Variants in SYTL5 observed in about 807,000 individuals in gnomAD.
The protein encoded by SYTL5 is synaptotagmin like 5.
In SYTL5, 34 loss-of-function variants were observed where a neutral mutation model predicts 55.9. The ratio of observed to expected loss-of-function variants is 0.61; its 90% CI spans 0.46 to 0.81. SYTL5 has a LOEUF of 0.81. Among genes scored for constraint, SYTL5 ranks in the 30% least tolerant of loss-of-function variants. SYTL5 has a pLI of 0.00. For synonymous variants in SYTL5, 221 were observed against 188.7 expected (o/e 1.17, Z -1.40); for missense variants, 637 against 546.7 (o/e 1.17, Z -1.65).
At chrX:37,977,327 A>G in the SYTL5 span, among the ~76,000 whole-genome samples, 4 of 110,850 alleles carry the variant, frequency 3.6e-5, no homozygotes, top group Non-Finnish European at 7.5e-5. Context: ...GGGATGGAAA[A>G]AAAACATTTT....
chrX:38,036,066 G>A (rs1431679615), intron 2 of SYTL5, among the ~76,000 whole-genome samples: 1 of 111,100 alleles, frequency 9.0e-6, no homozygotes, highest in African/African-American at 3.3e-5. Flanking sequence ...AGCACTTTGG[G>A]AGGCTGAGGA....
chrX:37,935,587 T>C, the SYTL5 span, among the ~76,000 whole-genome samples: 1 of 111,612 alleles, frequency 9.0e-6, no homozygotes, highest in Admixed American at 9.5e-5. Context: ...TTTATGACAA[T>C]ATCTACACAA....
chrX:37,889,231 T>A, the SYTL5 span, among the ~76,000 whole-genome samples: 1 of 112,285 alleles, frequency 8.9e-6, no homozygotes, highest in Admixed American at 9.4e-5. Context: ...ACCCAGAGAA[T>A]ACTCACTGTG....
At chrX:38,066,602 T>C (rs1936106805) in intron 3 of SYTL5, among the ~76,000 whole-genome samples, 1 of 111,028 alleles carries the variant, frequency 9.0e-6, no homozygotes, top group Non-Finnish European at 1.9e-5. Flanking sequence ...TTTTCTTTTG[T>C]CTTTTACCCC....
the SYTL5 span, among the ~76,000 whole-genome samples, chrX:37,941,226 T>C: frequency 1.8e-5 from 2 of 111,856 alleles, no homozygotes; most frequent in African/African-American, 6.5e-5. Flanking sequence ...CTGGATTCAT[T>C]GCACAGCCGT....
At chrX:37,895,409 T>TTTCCTTCCTTCATTCC in the SYTL5 span, among the ~76,000 whole-genome samples, 288 of 83,432 alleles carry the variant, frequency 3.5e-3, 6 homozygotes, top group African/African-American at 0.015. Flanking sequence ...TAGTTTTTCT[T>TTTCCTTCCTTCATTCC]TTCCTTCCTT....
chrX:38,030,694 C>G (rs1390872445), intron 1 of SYTL5, among the ~76,000 whole-genome samples: 2 of 112,049 alleles, frequency 1.8e-5, no homozygotes, highest in Non-Finnish European at 3.8e-5. Flanking sequence ...GACTCATTCC[C>G]TAATCCTGGA....
At chrX:38,075,053 G>A (rs1047796819) in intron 5 of SYTL5, among the ~76,000 whole-genome samples, 2 of 111,413 alleles carry the variant, frequency 1.8e-5, no homozygotes, top group African/African-American at 6.5e-5. Flanking sequence ...GATTGAATAA[G>A]TAACTCAGAG....
At chrX:37,958,506 T>C in the SYTL5 span, among the ~76,000 whole-genome samples, 1 of 111,274 alleles carries the variant, frequency 9.0e-6, no homozygotes, top group Non-Finnish European at 1.9e-5. Flanking sequence ...ACATATGGAT[T>C]TGGGGATTAA....
At chrX:38,000,170 C>T in the SYTL5 span, among the ~76,000 whole-genome samples, 1 of 111,578 alleles carries the variant, frequency 9.0e-6, no homozygotes, top group East Asian at 2.8e-4. Flanking sequence ...TTTTATAATG[C>T]AGGTCCTTAG....
chrX:37,920,682 G>A, the SYTL5 span, among the ~76,000 whole-genome samples: 1 of 110,435 alleles, frequency 9.1e-6, no homozygotes, highest in South Asian at 3.9e-4. Flanking sequence ...TAGCATCTAG[G>A]CTAGCCCTTC....
intron 2 of SYTL5, among the ~76,000 whole-genome samples, chrX:38,036,799 T>C (rs747740652): frequency 8.9e-6 from 1 of 112,204 alleles, no homozygotes; most frequent in African/African-American, 3.2e-5. Flanking sequence ...CATGGATAAA[T>C]CTAGTTTCCC....
At chrX:37,958,796 G>T in the SYTL5 span, among the ~76,000 whole-genome samples, 9 of 112,465 alleles carry the variant, frequency 8.0e-5, no homozygotes, top group Admixed American at 6.5e-4. Flanking sequence ...CTAAGCACAG[G>T]ATAGTCATTC....
intron 2 of SYTL5, among the ~76,000 whole-genome samples, chrX:38,044,575 C>A (rs902148686): frequency 8.9e-6 from 1 of 111,825 alleles, no homozygotes; most frequent in Non-Finnish European, 1.9e-5. Flanking sequence ...TGTATGAATG[C>A]CCAATTTTCT....
the SYTL5 span, among the ~76,000 whole-genome samples, chrX:37,974,394 G>A: frequency 1.8e-5 from 2 of 111,929 alleles, no homozygotes; most frequent in Non-Finnish European, 3.8e-5. Context: ...TAAATAGAGA[G>A]AAACAAAACT....
At chrX:38,085,840 AC>A (rs767351230) in intron 6 of SYTL5, among the ~76,000 whole-genome samples, 30 of 110,534 alleles carry the variant, frequency 2.7e-4, no homozygotes, top group Non-Finnish European at 4.5e-4. Context: ...TGTAATCTCT[AC>A]CCCCTATCCT....
At chrX:37,977,616 A>C in the SYTL5 span, among the ~76,000 whole-genome samples, 1 of 107,440 alleles carries the variant, frequency 9.3e-6, no homozygotes. Context: ...AAGGGACTGA[A>C]TGTTAGGGAA....
intron 3 of SYTL5, among the ~76,000 whole-genome samples, chrX:38,061,824 A>T (rs146066320): frequency 0.011 from 1,213 of 111,715 alleles, 22 homozygotes; most frequent in African/African-American, 0.038. Context: ...ACAAAATTCC[A>T]CATTGTTATG....
intron 7 of SYTL5, among the ~76,000 whole-genome samples, chrX:38,090,992 C>G (rs183500353): frequency 9.3e-4 from 104 of 112,333 alleles, no homozygotes; most frequent in African/African-American, 3.2e-3. Context: ...GGTCATAGGG[C>G]TGGATAGAGC....
Sources: gnomAD v4.1 joint callset for allele counts (sites outside exome capture counted in the v4.1 genomes callset) on GRCh38, gnomAD v4.1.1 for gene constraint, MANE v1.5 for transcripts, NCBI Gene and HGNC (gene_info 2026-07-23, HGNC 2026-07-21) for gene names.